Variants in STRIP2 observed in about 807,000 individuals in gnomAD.
The protein encoded by STRIP2 is striatin-interacting protein 2.
A neutral mutation model predicts 107.1 loss-of-function variants in STRIP2; 84 were observed. The observed-to-expected ratio is 0.78, with a 90% CI of 0.66 to 0.94. The LOEUF (loss-of-function observed/expected upper bound fraction) is 0.94, where lower values mean the gene tolerates loss of function less well. STRIP2 is among the 40% of genes least tolerant of loss of function. The pLI is 0.00. For missense variants in STRIP2, 888 were observed against 1,034.2 expected (o/e 0.86, Z 1.94); for synonymous variants, 394 against 400.4 (o/e 0.98, Z 0.19).
At chr7:129,452,489 C>A (rs556573278) in intron 4 of STRIP2, among the ~76,000 whole-genome samples, 1 of 152,306 alleles carries the variant, frequency 6.6e-6, no homozygotes, top group Non-Finnish European at 1.5e-5. Context: ...TCCTGTATCT[C>A]TTGGGTCTGG....
At chr7:129,453,097 C>T (rs1459701861) in intron 4 of STRIP2, 130 bp from the exon 5 acceptor site, 2 of 1,345,042 alleles carry the variant, frequency 1.5e-6, no homozygotes, top group East Asian at 2.3e-5. Context: ...TCTTGGGGCC[C>T]CTGTCATACC....
chr7:129,482,333 TTCTCTCTC>T (rs61017071), intron 19 of STRIP2, among the ~76,000 whole-genome samples: 2 of 87,716 alleles, frequency 2.3e-5, no homozygotes, highest in African/African-American at 4.1e-5. Context: ...AATGGAATAG[TTCTCTCTC>T]TCTCTCTCTC....
Position 129,464,062 on chromosome 7 carries a change from C to T in STRIP2, c.1570C>T (p.Leu524=). ...TTCTCAGATCGCTCTGCTTAAGATT[C>T]TGCTGGCTGCAGCTCCCACCTCTAA... ...PQYMIALLKI[L]LAAAPTSKAK... Residue 524 remains leucine, a synonymous_variant, in exon 15 of 21, where the codon CTG becomes TTG. Transcript: ENST00000249344. 1 of 1,613,600 alleles carries T rather than the reference C, an allele frequency of 6.2e-7. No individual in the cohort carries two copies. Among genetic ancestry groups the T allele is most frequent in the South Asian group, 1.1e-5 (1 of 91,062 alleles).
At chr7:129,465,716 A>G (rs1463725811) in intron 16 of STRIP2, among the ~76,000 whole-genome samples, 1 of 152,238 alleles carries the variant, frequency 6.6e-6, no homozygotes, top group Non-Finnish European at 1.5e-5. Context: ...TTGCCATGCT[A>G]AGGAGTTTGG....
rs141258362 is a variant in STRIP2 at position 129,480,273 on chromosome 7, C to A, written c.1945-512C>A. Among the ~76,000 whole-genome samples the A allele has an allele frequency of 6.0e-3, 908 of 152,148 alleles. 9 individuals are homozygous for A. Among genetic ancestry groups the A allele is most frequent in the African/African-American group, 0.021 (864 of 41,522 alleles). ...TTAGAAGAAACCATCTGCCATTTTT[C>A]CTTCCATGCTGAAGAATTAAGCATC... is the stretch of plus-strand genomic sequence containing the variant. On this transcript the variant is annotated intron_variant, in intron 18 of 20. Transcript: ENST00000249344.
chr7:129,456,874 C>T (rs556146170), intron 9 of STRIP2, among the ~76,000 whole-genome samples: 1 of 152,152 alleles, frequency 6.6e-6, no homozygotes, highest in Non-Finnish European at 1.5e-5. Context: ...CATATATAGC[C>T]ATGTCTTGCT....
chr7:129,458,646 G>C lies in STRIP2; in HGVS notation c.1275-66G>C, dbSNP rs1272736971. On this transcript the variant is annotated intron_variant, in intron 10 of 20. Transcript: ENST00000249344. This position sits in a 1 kb window ranked among gnomAD's most constrained non-coding sequence, Gnocchi z 4.6. ...GATTGGAGGGATAGGAGCCCGGAAA[G>C]TTTTTCTCTCTCAAAGTTTGCTTTT... The C allele has an allele frequency of 6.3e-7, 1 of 1,585,240 alleles. No individual in the cohort carries two copies. Among genetic ancestry groups the C allele is most frequent in the Admixed American group, 1.7e-5 (1 of 59,760 alleles).
rs1436475983 is a variant in STRIP2 at position 129,486,709 on chromosome 7, C to T, written c.*880C>T. The T allele has an allele frequency of 2.0e-5, 3 of 152,106 alleles. No individual in the cohort carries two copies. Among genetic ancestry groups the T allele is most frequent in the African/African-American group, 7.2e-5 (3 of 41,424 alleles). The allele number at this position is 152,106 out of a possible 1,614,324, so 9.4% of individuals were successfully genotyped here. On this transcript the variant is annotated 3_prime_UTR_variant, in exon 21 of 21. Coordinates refer to ENST00000249344, the MANE Select transcript of STRIP2 (RefSeq NM_020704.3). Reference sequence around the variant, plus strand: ...TTCAGATGGTATGTCCACTTGTGGTCGTGATCAATATATTTTTCTAATTGA... The same window carrying T: ...TTCAGATGGTATGTCCACTTGTGGTTGTGATCAATATATTTTTCTAATTGA...
Position 129,454,484 on chromosome 7 carries a change from C to G in STRIP2, c.663C>G (p.Pro221=). 6.2e-7 allele frequency: 1 copy of G among 1,614,150 alleles called. No individual in the cohort carries two copies. Among genetic ancestry groups the G allele is most frequent in the Non-Finnish European group, 8.5e-7 (1 of 1,180,018 alleles). The change falls in exon 7 of 21, where the codon CCC becomes CCG. Residue 221 remains proline (P), a synonymous_variant. Coordinates refer to ENST00000249344, the MANE Select transcript of STRIP2 (RefSeq NM_020704.3). ...TTCGCCTGGAGCGAGAGACAGACCC[C>G]TGTGGGTGGAGAACAGCCCGGGAGA... ...ENIRLERETD[P]CGWRTARETF...
Position 129,458,831 on chromosome 7 carries a change from G to T in STRIP2, c.1340+54G>T. ...ACAGAGTGGTTCCTAGGGGGCCAGA[G>T]GAGCAGGTAGCTTGGAATGAGGGAT... is the stretch of plus-strand genomic sequence containing the variant. On this transcript the variant is annotated intron_variant, in intron 11 of 20. Coordinates refer to ENST00000249344, the MANE Select transcript of STRIP2 (RefSeq NM_020704.3). The surrounding 1 kb of genome is among the most constrained non-coding windows in gnomAD (Gnocchi z 4.6). The T allele has an allele frequency of 1.3e-6, 2 of 1,563,076 alleles. No individual in the cohort carries two copies. Among genetic ancestry groups the T allele is most frequent in the Non-Finnish European group, 1.8e-6 (2 of 1,134,242 alleles).
intron 18 of STRIP2, among the ~76,000 whole-genome samples, chr7:129,476,341 G>A (rs1459176424): frequency 1.4e-5 from 2 of 147,834 alleles, no homozygotes; most frequent in Admixed American, 6.7e-5. Flanking sequence ...CTTCTCAGAC[G>A]GGGCGGCTGC....
At chr7:129,440,605 A>C (rs1018513599) in intron 2 of STRIP2, among the ~76,000 whole-genome samples, 1 of 152,156 alleles carries the variant, frequency 6.6e-6, no homozygotes, top group African/African-American at 2.4e-5. Context: ...CCAGCTGAGC[A>C]AGGCTGGACA....
chr7:129,454,866 T>C (rs1798300561), intron 7 of STRIP2, among the ~76,000 whole-genome samples: 1 of 152,206 alleles, frequency 6.6e-6, no homozygotes, highest in Non-Finnish European at 1.5e-5. Flanking sequence ...AAATGTAAGT[T>C]GGTGTTGTCA....
intron 5 of STRIP2, 143 bp from the exon 6 acceptor site, chr7:129,453,999 C>T (rs1798269296): frequency 5.8e-6 from 4 of 686,034 alleles, no homozygotes; most frequent in Non-Finnish European, 9.8e-6. Flanking sequence ...GGAATTCTGT[C>T]AGCTCCTTTA....
chr7:129,486,948 G>A lies in STRIP2; in HGVS notation c.*1119G>A, dbSNP rs1353619636. On this transcript the variant is annotated 3_prime_UTR_variant, in exon 21 of 21. Transcript: ENST00000249344. ...TACAGCAGAATCACATACTTCTCAAGATAAACAAGGTTTTTAAAAAAGTTT... is the reference window on the plus strand; with the variant it reads ...TACAGCAGAATCACATACTTCTCAAAATAAACAAGGTTTTTAAAAAAGTTT... 2.2e-5 allele frequency: 3 copies of A among 139,022 alleles called. No homozygotes were observed. Among genetic ancestry groups the A allele is most frequent in the African/African-American group, 8.2e-5 (3 of 36,614 alleles). 8.6% of individuals were successfully genotyped at this position (139,022 alleles called of 1,614,324 possible).
chr7:129,446,495 C>T (rs1479890470), intron 3 of STRIP2, among the ~76,000 whole-genome samples: 1 of 152,250 alleles, frequency 6.6e-6, no homozygotes, highest in Non-Finnish European at 1.5e-5. Flanking sequence ...GCCAGGTGCA[C>T]TGCTCAAAGT....
intron 2 of STRIP2, 65 bp from the exon 3 acceptor site, chr7:129,443,957 CCT>C: frequency 8.4e-7 from 1 of 1,193,112 alleles, no homozygotes. Flanking sequence ...TTCATGCCAC[CCT>C]CTCTACTTTG....
intron 20 of STRIP2, chr7:129,484,785 A>C (rs531658837): frequency 9.8e-5 from 15 of 152,340 alleles, no homozygotes; most frequent in Middle Eastern, 3.4e-3. Flanking sequence ...AAACACAAAA[A>C]TGTTTTATCC....
In STRIP2 at chr7:129,460,332, T is replaced by G. The variant is rs73234771; in HGVS notation, c.1436T>G (p.Ile479Ser). 1,983 of 1,614,040 alleles carry G rather than the reference T, an allele frequency of 1.2e-3. 1 individual carries two copies. The highest frequency in any genetic ancestry group is 1.5e-3 in the Non-Finnish European group (1,814 of 1,179,964). ...HKYISIADVQ[I>S]KNEEELEKCP... ...TATATCTCCATCGCAGATGTGCAGATCAAGAATGAAGAGGAGCTGGAGAAG... is the reference window on the plus strand; with the variant it reads ...TATATCTCCATCGCAGATGTGCAGAGCAAGAATGAAGAGGAGCTGGAGAAG... Residue 479 changes from isoleucine to serine, a missense_variant, in exon 13 of 21, where the codon ATC (isoleucine) becomes AGC (serine). Coordinates refer to ENST00000249344, the MANE Select transcript of STRIP2 (RefSeq NM_020704.3).
Sources: gnomAD v4.1 joint callset for allele counts (sites outside exome capture counted in the v4.1 genomes callset) on GRCh38, gnomAD v4.1.1 for gene constraint, Gnocchi (gnomAD v3.1) non-coding constraint, MANE v1.5 for transcripts, NCBI Gene and HGNC (gene_info 2026-07-23, HGNC 2026-07-21) for gene names.